USP37: variants seen among roughly 807,000 people sequenced by gnomAD.
The protein encoded by USP37 is ubiquitin carboxyl-terminal hydrolase 37.
In USP37, 27 loss-of-function variants were observed where a neutral mutation model predicts 124.0. That is an observed-to-expected ratio of 0.22 (90% CI 0.16 to 0.30). The LOEUF (loss-of-function observed/expected upper bound fraction) is 0.30, where lower values mean the gene tolerates loss of function less well. USP37 is among the 10% of genes least tolerant of loss of function. USP37 has a pLI of 1.00. For missense variants in USP37, 889 were observed against 1,140.4 expected (o/e 0.78, Z 3.17); for synonymous variants, 365 against 388.0 (o/e 0.94, Z 0.70).
chr2:218,472,377 ACTTTT>A (rs752986219), intron 20 of USP37, among the ~76,000 whole-genome samples: 27 of 151,998 alleles, frequency 1.8e-4, no homozygotes, highest in African/African-American at 3.1e-4. Context: ...ACACACTCAC[ACTTTT>A]CTTTTCTATG....
intron 5 of USP37, among the ~76,000 whole-genome samples, chr2:218,552,174 C>T (rs1278560061): frequency 6.6e-6 from 1 of 152,014 alleles, no homozygotes; most frequent in Non-Finnish European, 1.5e-5. Flanking sequence ...TGAGTAGGTA[C>T]TAAATGGCAA....
chr2:218,457,136 C>T lies in USP37; in HGVS notation c.2669G>A (p.Arg890Gln), dbSNP rs1177281038. The change falls in exon 24 of 26, where the codon CGG becomes CAG. Residue 890 changes from arginine to glutamine, a missense_variant. Arg to Gln is a conservative substitution (Grantham distance 43, BLOSUM62 1). Around this residue, in one of 3 missense-constraint regions of USP37, gnomAD observed 504 missense variants for 714.3 expected, o/e 0.71. Coordinates refer to ENST00000258399, the MANE Select transcript of USP37 (RefSeq NM_020935.3). Reference protein sequence around the residue: ...AETGNLPHSYRLISVVSHIGS... With the variant: ...AETGNLPHSYQLISVVSHIGS... ...AATGTGACTGACAACACTGATGAGC[C>T]GGTACGAATGAGGCAGATTTCCTGT... The T allele has an allele frequency of 2.5e-6, 4 of 1,613,698 alleles. No individual in the cohort carries two copies. Among genetic ancestry groups the T allele is most frequent in the Admixed American group, 1.7e-5 (1 of 59,968 alleles).
intron 5 of USP37, among the ~76,000 whole-genome samples, chr2:218,550,152 A>G (rs1215591284): frequency 1.3e-5 from 2 of 152,252 alleles, no homozygotes; most frequent in South Asian, 2.1e-4. Context: ...AAAACATTTA[A>G]TAGAAGGCTA....
chr2:218,536,906 C>T (rs1226521266), intron 8 of USP37, among the ~76,000 whole-genome samples: 2 of 152,092 alleles, frequency 1.3e-5, no homozygotes, highest in African/African-American at 4.8e-5. Context: ...AGATTTTCAC[C>T]TATGGTGAAT....
At chr2:218,512,476 C>A (rs1340652053) in intron 10 of USP37, among the ~76,000 whole-genome samples, 1 of 151,844 alleles carries the variant, frequency 6.6e-6, no homozygotes, top group African/African-American at 2.4e-5. Context: ...CCACTGCACT[C>A]CAGCCTGAGG....
intron 4 of USP37, among the ~76,000 whole-genome samples, chr2:218,558,049 T>C (rs1314034477): frequency 1.3e-5 from 2 of 152,090 alleles, no homozygotes; most frequent in East Asian, 1.9e-4. Flanking sequence ...ATAATCATCC[T>C]TGAATGATTC....
rs1483491980 is a variant in USP37 at position 218,451,344 on chromosome 2, T to C, written c.*3586A>G. On this transcript the variant is annotated 3_prime_UTR_variant, in exon 26 of 26. Coordinates refer to ENST00000258399, the MANE Select transcript of USP37 (RefSeq NM_020935.3). ...CCATATGTACTTGGAGATCCAGCTGTTGCCCCCTGTTTAAAACAAAAGACC... is the reference window on the plus strand; with the variant it reads ...CCATATGTACTTGGAGATCCAGCTGCTGCCCCCTGTTTAAAACAAAAGACC... The C allele has an allele frequency of 6.6e-6, 1 of 152,196 alleles. No individual in the cohort carries two copies. The highest frequency in any genetic ancestry group is 1.5e-5 in the Non-Finnish European group (1 of 68,030). The allele number at this position is 152,196 out of a possible 1,614,324, so 9.4% of individuals were successfully genotyped here. A position where few individuals can be genotyped will look rare whatever the true frequency, so the allele number is the denominator to read the frequency against.
intron 1 of USP37, among the ~76,000 whole-genome samples, chr2:218,563,135 C>T (rs955284757): frequency 6.7e-6 from 1 of 148,204 alleles, no homozygotes; most frequent in African/African-American, 2.5e-5. Flanking sequence ...TGCACTCCAA[C>T]CTGGGCAACA....
At position 218,495,795 on chromosome 2, in the gene USP37, C is replaced by T; in HGVS notation, c.1437G>A (p.Leu479=). The T allele has an allele frequency of 6.2e-7, 1 of 1,613,044 alleles. No individual in the cohort carries two copies. Among genetic ancestry groups the T allele is most frequent in the Non-Finnish European group, 8.5e-7 (1 of 1,179,780 alleles). ...RAYTCPVITN[L]EFEVQHSIIC... is the part of the protein sequence containing the mutation. ...TGATGGAGTGCTGAACCTCAAACTC[C>T]AAATTAGTAATAACAGGGCAAGTGT... The change falls in exon 14 of 26, where the codon TTG becomes TTA. Residue 479 remains leucine (L), a synonymous_variant. Transcript: ENST00000258399.
At chr2:218,541,143 C>T (rs1020054631) in intron 8 of USP37, among the ~76,000 whole-genome samples, 1 of 152,160 alleles carries the variant, frequency 6.6e-6, no homozygotes, top group Non-Finnish European at 1.5e-5. Flanking sequence ...CAATAACTCA[C>T]TTGGAGAATT....
intron 11 of USP37, among the ~76,000 whole-genome samples, chr2:218,499,876 G>A (rs1689278707): frequency 6.6e-6 from 1 of 151,942 alleles, no homozygotes; most frequent in East Asian, 1.9e-4. Flanking sequence ...CAACCTCCCG[G>A]GCTCGAGCAA....
At chr2:218,479,066 T>C (rs1691115361) in intron 18 of USP37, among the ~76,000 whole-genome samples, 1 of 152,184 alleles carries the variant, frequency 6.6e-6, no homozygotes, top group Admixed American at 6.5e-5. Context: ...GGAACTCCTC[T>C]AGTAAAATCT....
chr2:218,462,753 T>G (rs1370915559), intron 22 of USP37, among the ~76,000 whole-genome samples: 1 of 152,064 alleles, frequency 6.6e-6, no homozygotes, highest in Non-Finnish European at 1.5e-5. Flanking sequence ...ACAAAAATTA[T>G]TTTGAAAAAA....
At position 218,479,704 on chromosome 2, in the gene USP37, A is replaced by G; in HGVS notation, c.1847T>C (p.Leu616Ser). 1 of 1,611,342 alleles carries G rather than the reference A, an allele frequency of 6.2e-7. No homozygotes were observed. The highest frequency in any genetic ancestry group is 2.2e-5 in the East Asian group (1 of 44,618). The change falls in exon 18 of 26, where the codon TTG becomes TCG. Residue 616 changes from leucine (L) to serine (S), a missense_variant. Coordinates refer to ENST00000258399, the MANE Select transcript of USP37 (RefSeq NM_020935.3). ...GGAATTCACCATTTGAGAGGCTTTC[A>G]ATGGTCTAGAACTATCAGAAAATTA... is the stretch of plus-strand genomic sequence containing the variant. ...WSAHMAISRP[L>S]KASQMVNSCI... is the part of the protein sequence containing the mutation.
At chr2:218,554,918 C>T (rs1389688914) in intron 4 of USP37, among the ~76,000 whole-genome samples, 1 of 152,138 alleles carries the variant, frequency 6.6e-6, no homozygotes, top group Admixed American at 6.5e-5. Context: ...TAAACCTTTA[C>T]CAATATAGCA....
chr2:218,496,059 T>C (rs1281088648), intron 13 of USP37, 109 bp from the exon 14 acceptor site: 3 of 1,103,268 alleles, frequency 2.7e-6, no homozygotes, highest in Non-Finnish European at 2.5e-6. Context: ...TCTGGAAGGC[T>C]GAGGCAGGCG....
chr2:218,485,822 A>G, intron 15 of USP37, 79 bp from the exon 16 acceptor site: 1 of 1,419,742 alleles, frequency 7.0e-7, no homozygotes, highest in Non-Finnish European at 9.7e-7. Flanking sequence ...CTCTAGTCTT[A>G]TTAGTTCCAT....
intron 10 of USP37, 52 bp downstream of exon 10, chr2:218,529,904 T>TG: frequency 7.2e-7 from 1 of 1,389,716 alleles, no homozygotes; most frequent in Non-Finnish European, 1.0e-6. Context: ...TTCAATATTC[T>TG]GAAAAAAAAA....
intron 10 of USP37, chr2:218,528,553 T>G: frequency 2.7e-6 from 1 of 376,316 alleles, no homozygotes; most frequent in Non-Finnish European, 4.7e-6. Context: ...GTCAGTTTGC[T>G]GAGAATGATG....
Sources: gnomAD v4.1 joint callset for allele counts (sites outside exome capture counted in the v4.1 genomes callset) on GRCh38, gnomAD v4.1.1 for gene constraint, gnomAD v4.1.1 regional missense constraint, MANE v1.5 for transcripts, NCBI Gene and HGNC (gene_info 2026-07-23, HGNC 2026-07-21) for gene names.